CNTN5: variants seen among roughly 807,000 people sequenced by gnomAD.
CNTN5 encodes the protein contactin-5.
Under a neutral mutation model 129.1 loss-of-function variants are expected in CNTN5, and 77 were observed. That is an observed-to-expected ratio of 0.60 (90% CI 0.50 to 0.72). The LOEUF (loss-of-function observed/expected upper bound fraction) is 0.72. Among genes scored for constraint, CNTN5 ranks in the 30% least tolerant of loss-of-function variants. The probability of loss-of-function intolerance (pLI) is 0.00; values close to 1 mark genes in which losing one functional copy is unlikely to be tolerated. For synonymous variants in CNTN5, 509 were observed against 465.6 expected, an observed-to-expected ratio of 1.09 and a Z score of -1.20; for missense variants, 1,478 against 1,328.8, an observed-to-expected ratio of 1.11 and a Z score of -1.75.
chr11:99,328,336 T>C (rs1865866478), intron 2 of CNTN5, among the ~76,000 whole-genome samples: 1 of 152,114 alleles, frequency 6.6e-6, no homozygotes, highest in Non-Finnish European at 1.5e-5. Flanking sequence ...TCAAGGGTCA[T>C]GTGTCCAGAT....
chr11:99,089,780 A>G (rs1866163853), intron 1 of CNTN5, among the ~76,000 whole-genome samples: 1 of 152,224 alleles, frequency 6.6e-6, no homozygotes, highest in Non-Finnish European at 1.5e-5. Context: ...AATATTTCAC[A>G]TGTAACTTTA....
In CNTN5 at chr11:99,470,109, C is replaced by G. The variant is rs1945114799; in HGVS notation, c.-70-86036C>G. Among the ~76,000 whole-genome samples, 3 of 152,134 alleles carry G rather than the reference C, an allele frequency of 2.0e-5. No individual in the cohort carries two copies. In the South Asian group the frequency reaches 6.2e-4, roughly 31 times the overall value. On this transcript the variant is annotated intron_variant, in intron 2 of 24. Transcript: ENST00000524871. ...ACGTGATAGCTGCTTCAAGTGTTCTCTGTCAGTTCGTTAGAGTTTGTGAGG... is the reference window on the plus strand; with the variant it reads ...ACGTGATAGCTGCTTCAAGTGTTCTGTGTCAGTTCGTTAGAGTTTGTGAGG...
At chr11:99,906,752 C>T (rs1288788853) in intron 6 of CNTN5, among the ~76,000 whole-genome samples, 3 of 152,026 alleles carry the variant, frequency 2.0e-5, no homozygotes, top group Admixed American at 2.0e-4. Flanking sequence ...TGGTAGAATT[C>T]GGCTGTGAAT....
chr11:100,356,329 A>G lies in CNTN5; in HGVS notation c.*109A>G. The stretch of plus-strand genomic sequence containing the variant: ...CCTGAGATGAGCTTGAGCTTTAAAA[A>G]CTTGGGACTATACATGGTGAACTTA... On this transcript the variant is annotated 3_prime_UTR_variant, in exon 25 of 25. Coordinates refer to ENST00000524871, the MANE Select transcript of CNTN5 (RefSeq NM_014361.4). The G allele has an allele frequency of 1.3e-6, 1 of 759,450 alleles. No homozygotes were observed. Among genetic ancestry groups the G allele is most frequent in the Non-Finnish European group, 2.3e-6 (1 of 439,236 alleles). 47.0% of individuals were successfully genotyped at this position (759,450 alleles called of 1,614,324 possible). A position where few individuals can be genotyped will look rare whatever the true frequency, so the allele number is the denominator to read the frequency against.
In CNTN5 at chr11:99,704,057, A is replaced by G. The variant is rs112989139; in HGVS notation, c.56-115487A>G. On this transcript the variant is annotated intron_variant, in intron 3 of 24. Coordinates refer to ENST00000524871, the MANE Select transcript of CNTN5 (RefSeq NM_014361.4). ...TAATTATATGTGTGTATATATATATATGTGTGTGTGTGTATGTGTGTGTGT... is the reference window on the plus strand; with the variant it reads ...TAATTATATGTGTGTATATATATATGTGTGTGTGTGTGTATGTGTGTGTGT... Among the ~76,000 whole-genome samples the G allele has an allele frequency of 2.2e-3, 330 of 148,232 alleles. 1 individual carries two copies. Among genetic ancestry groups the G allele is most frequent in the African/African-American group, 5.8e-3 (239 of 41,078 alleles).
At chr11:99,215,664 C>T (rs1317841844) in intron 1 of CNTN5, among the ~76,000 whole-genome samples, 5 of 152,064 alleles carry the variant, frequency 3.3e-5, no homozygotes, top group Non-Finnish European at 7.4e-5. Flanking sequence ...TAACAGAAAA[C>T]CTATTTCCCT....
At chr11:99,843,889 A>G (rs566056477) in intron 4 of CNTN5, among the ~76,000 whole-genome samples, 2 of 152,304 alleles carry the variant, frequency 1.3e-5, no homozygotes, top group East Asian at 1.9e-4. Flanking sequence ...CAAATTCACA[A>G]TTCACTATGC....
chr11:99,086,728 A>G (rs1249939885), intron 1 of CNTN5, among the ~76,000 whole-genome samples: 2 of 152,220 alleles, frequency 1.3e-5, no homozygotes, highest in African/African-American at 4.8e-5. Context: ...AAAGGAATAT[A>G]TATGAGATCT....
intron 8 of CNTN5, among the ~76,000 whole-genome samples, chr11:99,976,486 C>T (rs189144462): frequency 6.6e-6 from 1 of 152,322 alleles, no homozygotes; most frequent in Admixed American, 6.5e-5. Context: ...TCTGCTTGGA[C>T]TTCCAGGCAT....
intron 15 of CNTN5, 57 bp downstream of exon 15, chr11:100,193,720 A>G: frequency 6.7e-7 from 1 of 1,491,738 alleles, no homozygotes; most frequent in Non-Finnish European, 9.1e-7. Context: ...TTTTGAATCA[A>G]ATGTAAGACC....
At chr11:99,760,432 G>A (rs529338198) in intron 3 of CNTN5, among the ~76,000 whole-genome samples, 1 of 152,194 alleles carries the variant, frequency 6.6e-6, no homozygotes, top group African/African-American at 2.4e-5. Context: ...AAACTGGACT[G>A]TGCTGATTGC....
chr11:99,948,813 G>T (rs912901117), intron 7 of CNTN5, among the ~76,000 whole-genome samples: 9 of 152,146 alleles, frequency 5.9e-5, no homozygotes, highest in African/African-American at 2.2e-4. Context: ...CACCCGATGC[G>T]TGCGCACATC....
At position 99,296,638 on chromosome 11, in the gene CNTN5, T is replaced by C. The variant is rs550940372; in HGVS notation, c.-209-28708T>C. Among the ~76,000 whole-genome samples, 37 of 152,214 alleles carry C rather than the reference T, an allele frequency of 2.4e-4. 1 individual carries two copies. The highest frequency in any genetic ancestry group is 4.1e-4 in the African/African-American group (17 of 41,552). On this transcript the variant is annotated intron_variant, in intron 1 of 24. Coordinates refer to ENST00000524871, the MANE Select transcript of CNTN5 (RefSeq NM_014361.4). ...CTTCCCAGGAATATGGAACCAAACA[T>C]TGGTTTTAGGGTGGAGCCCTTGGAA... is the stretch of plus-strand genomic sequence containing the variant.
chr11:99,965,825 TC>T (rs1242997617), intron 8 of CNTN5, among the ~76,000 whole-genome samples: 3 of 151,928 alleles, frequency 2.0e-5, no homozygotes, highest in Non-Finnish European at 4.4e-5. Flanking sequence ...GACTTGCTAT[TC>T]AAAAACTTTC....
chr11:99,380,605 A>G (rs1352107584), intron 2 of CNTN5, among the ~76,000 whole-genome samples: 1 of 151,904 alleles, frequency 6.6e-6, no homozygotes, highest in Non-Finnish European at 1.5e-5. Context: ...CCCTGTCTCT[A>G]TTACAAATAA....
In CNTN5 at chr11:100,220,965, G is replaced by A. The variant is rs546458359; in HGVS notation, c.1885-3727G>A. ...CAAGCCTTCATGCATTCATCATCTCGCTTAATGATCCTTGGCTGCACTAGT... is the reference window on the plus strand; with the variant it reads ...CAAGCCTTCATGCATTCATCATCTCACTTAATGATCCTTGGCTGCACTAGT... On this transcript the variant is annotated intron_variant, in intron 15 of 24. Coordinates refer to ENST00000524871, the MANE Select transcript of CNTN5 (RefSeq NM_014361.4). Among the ~76,000 whole-genome samples the A allele has an allele frequency of 5.0e-4, 76 of 152,280 alleles. 1 individual carries two copies. The highest frequency in any genetic ancestry group is 1.5e-3 in the African/African-American group (63 of 41,550).
At chr11:99,512,843 A>G (rs546396535) in intron 2 of CNTN5, among the ~76,000 whole-genome samples, 1 of 152,266 alleles carries the variant, frequency 6.6e-6, no homozygotes, top group Non-Finnish European at 1.5e-5. Context: ...CCTGAGACAC[A>G]ACAGTATTGA....
chr11:99,446,479 T>G (rs528991086), intron 2 of CNTN5, among the ~76,000 whole-genome samples: 66 of 152,272 alleles, frequency 4.3e-4, no homozygotes, highest in Admixed American at 7.2e-4. Context: ...TACCTGCAAA[T>G]TTTTTTCTTC....
chr11:99,729,800 C>T (rs1038416310), intron 3 of CNTN5, among the ~76,000 whole-genome samples: 1 of 151,992 alleles, frequency 6.6e-6, no homozygotes, highest in African/African-American at 2.4e-5. Flanking sequence ...AACACAGGAA[C>T]AAAAAACAAA....
Sources: allele counts gnomAD v4.1 joint callset (sites outside exome capture counted in the v4.1 genomes callset), GRCh38; gene constraint gnomAD v4.1.1; transcripts MANE v1.5; gene names NCBI Gene and HGNC (gene_info 2026-07-23, HGNC 2026-07-21).